Variants in ZNF680 observed in about 807,000 individuals in gnomAD.
ZNF680 encodes hypothetical protein FLJ90430.
ZNF680 carries 6 observed loss-of-function variants against 12.1 expected under a neutral mutation model. That is an observed-to-expected ratio of 0.49 (90% CI 0.27 to 0.98). ZNF680 has a LOEUF of 0.98. ZNF680 is among the 50% of genes least tolerant of loss of function. The pLI is 0.12. For synonymous variants in ZNF680, 170 were observed against 199.3 expected, an observed-to-expected ratio of 0.85 and a Z score of 1.24; for missense variants, 561 against 616.3, an observed-to-expected ratio of 0.91 and a Z score of 0.95.
chr7:64,529,015 C>G (rs1192393663), intron 3 of ZNF680, among the ~76,000 whole-genome samples: 2 of 152,192 alleles, frequency 1.3e-5, no homozygotes, highest in Non-Finnish European at 2.9e-5. Flanking sequence ...GGCAGACAAC[C>G]CTTAGTTCCA....
At chr7:64,549,370 A>G (rs1235826393) in intron 1 of ZNF680, among the ~76,000 whole-genome samples, 1 of 152,212 alleles carries the variant, frequency 6.6e-6, no homozygotes, top group Non-Finnish European at 1.5e-5. Flanking sequence ...TGCCTCTCAC[A>G]TAACTGTAGC....
Position 64,521,057 on chromosome 7 carries a change from A to G in ZNF680, c.*104T>C. The G allele has an allele frequency of 7.9e-7, 1 of 1,259,234 alleles. No homozygotes were observed. The highest frequency in any genetic ancestry group is 1.1e-6 in the Non-Finnish European group (1 of 911,434). 78.0% of individuals were successfully genotyped at this position (1,259,234 alleles called of 1,614,324 possible). On this transcript the variant is annotated 3_prime_UTR_variant, in exon 4 of 4. Coordinates refer to ENST00000309683, the MANE Select transcript of ZNF680 (RefSeq NM_178558.5). ...TATAAAGTTTTCTCCAATATAAATT[A>G]TCTTACCTACAAGCAAGTGTAACAA...
At chr7:64,536,465 G>T (rs116517045) in intron 3 of ZNF680, among the ~76,000 whole-genome samples, 2 of 152,154 alleles carry the variant, frequency 1.3e-5, no homozygotes, top group Admixed American at 6.5e-5. Context: ...AAGGAAACAC[G>T]TTCTTTTAAT....
At chr7:64,544,526 G>T in intron 1 of ZNF680, 94 bp from the exon 2 acceptor site, 1 of 1,516,106 alleles carries the variant, frequency 6.6e-7, no homozygotes, top group South Asian at 1.2e-5. Flanking sequence ...TCAAGGCAAA[G>T]TAAGACAGTA....
chr7:64,543,096 A>C (rs1012871467), intron 3 of ZNF680, among the ~76,000 whole-genome samples: 26 of 152,176 alleles, frequency 1.7e-4, no homozygotes, highest in African/African-American at 6.3e-4. Context: ...GATTCAATGA[A>C]CTCCCTATCG....
downstream of ZNF680, chr7:64,519,812 CCTT>C (rs1451813115): frequency 1.3e-5 from 2 of 151,774 alleles, no homozygotes; most frequent in African/African-American, 2.4e-5. Flanking sequence ...TTACCTCCCT[CCTT>C]GAGTAAAGTG....
At chr7:64,534,881 T>C (rs1045525666) in intron 3 of ZNF680, among the ~76,000 whole-genome samples, 3 of 152,150 alleles carry the variant, frequency 2.0e-5, no homozygotes, top group Non-Finnish European at 4.4e-5. Flanking sequence ...TTGGAGACTA[T>C]TATTCTAAGT....
At chr7:64,507,891 C>T in the ZNF680 span, among the ~76,000 whole-genome samples, 95 of 143,804 alleles carry the variant, frequency 6.6e-4, no homozygotes, top group African/African-American at 2.4e-3. Flanking sequence ...TTTTTTATTT[C>T]GACTGGTTTG....
intron 3 of ZNF680, chr7:64,525,828 T>TCA: frequency 5.1e-6 from 5 of 984,694 alleles, no homozygotes; most frequent in Non-Finnish European, 6.0e-6. Context: ...CTATGACTTC[T>TCA]CACCTAGTCA....
chr7:64,512,691 C>G, the ZNF680 span, among the ~76,000 whole-genome samples: 160 of 152,122 alleles, frequency 1.1e-3, no homozygotes, highest in African/African-American at 3.6e-3. Flanking sequence ...AGCCTTGTTC[C>G]TAAAGGGCTT....
At chr7:64,527,706 A>C (rs572174196) in intron 3 of ZNF680, among the ~76,000 whole-genome samples, 1 of 152,268 alleles carries the variant, frequency 6.6e-6, no homozygotes, top group East Asian at 1.9e-4. Context: ...CAAAAAAAAA[A>C]AAAGTGATCC....
rs770928053 is a variant in ZNF680, at chr7:64,521,909, C to G, written c.845G>C (p.Ser282Thr). ...TCCAGTATGAATTATCTTATGTTTA[C>G]TAAGGATTGAGAATAAACTAAAGGC... is the stretch of plus-strand genomic sequence containing the variant. ...GKAFSLFSILSKHKIIHTGDK... is the reference protein window; with the variant it reads ...GKAFSLFSILTKHKIIHTGDK... The change falls in exon 4 of 4, where the codon AGT becomes ACT. Residue 282 changes from serine to threonine, a missense_variant. Coordinates refer to ENST00000309683, the MANE Select transcript of ZNF680 (RefSeq NM_178558.5). 1 of 1,611,696 alleles carries G rather than the reference C, an allele frequency of 6.2e-7. No individual in the cohort carries two copies. Among genetic ancestry groups the G allele is most frequent in the Non-Finnish European group, 8.5e-7 (1 of 1,179,292 alleles).
chr7:64,526,433 T>G, intron 3 of ZNF680: 1 of 1,494,166 alleles, frequency 6.7e-7, no homozygotes, highest in Non-Finnish European at 9.0e-7. Flanking sequence ...ATTATTTCTG[T>G]AATCCCACAT....
rs1266187953 is a variant in ZNF680, at chr7:64,562,895, C to G, written c.30+30G>C. ...GACCGGTTCCAACCAGCCCCTCCCCCTCTCTCGGGGTGTCGGACCGCACTC... is the reference window on the plus strand; with the variant it reads ...GACCGGTTCCAACCAGCCCCTCCCCGTCTCTCGGGGTGTCGGACCGCACTC... On this transcript the variant is annotated intron_variant, in intron 1 of 3. Coordinates refer to ENST00000309683, the MANE Select transcript of ZNF680 (RefSeq NM_178558.5). 4 of 1,613,352 alleles carry G rather than the reference C, an allele frequency of 2.5e-6. No individual in the cohort carries two copies. In the South Asian group the frequency reaches 3.3e-5, roughly 13 times the overall value.
intron 1 of ZNF680, among the ~76,000 whole-genome samples, chr7:64,548,549 C>CT (rs971107772): frequency 1.3e-5 from 2 of 151,926 alleles, no homozygotes; most frequent in African/African-American, 4.8e-5. Context: ...AGACCCTTTC[C>CT]TTTTTTTTCA....
At chr7:64,501,661 A>G in the ZNF680 span, 1 of 992,834 alleles carries the variant, frequency 1.0e-6, no homozygotes, top group Non-Finnish European at 1.6e-6. Flanking sequence ...GGAGTTGACC[A>G]AGGATGAAAA....
intron 3 of ZNF680, among the ~76,000 whole-genome samples, chr7:64,532,808 T>C (rs766680792): frequency 5.9e-5 from 9 of 152,042 alleles, no homozygotes; most frequent in Non-Finnish European, 1.3e-4. Flanking sequence ...CAACAACATA[T>C]CAAAAAGATA....
the ZNF680 span, chr7:64,501,271 T>A: frequency 1.0e-6 from 1 of 958,702 alleles, no homozygotes; most frequent in Non-Finnish European, 1.7e-6. Flanking sequence ...TCCTATTGCT[T>A]AGGCTGTAGT....
chr7:64,515,125 TAAGA>T (rs1006508621), downstream of ZNF680, among the ~76,000 whole-genome samples: 4 of 151,996 alleles, frequency 2.6e-5, no homozygotes, highest in South Asian at 2.1e-4. Flanking sequence ...TCAAAGTAAG[TAAGA>T]ATTTCTTAAA....
Sources: gnomAD v4.1 joint callset for allele counts (sites outside exome capture counted in the v4.1 genomes callset) on GRCh38, gnomAD v4.1.1 for gene constraint, MANE v1.5 for transcripts, NCBI Gene and HGNC (gene_info 2026-07-23, HGNC 2026-07-21) for gene names.